Variants in SPATA16 observed in about 807,000 individuals in gnomAD.
The protein encoded by SPATA16 is spermatogenesis-associated protein 16.
In SPATA16, 36 loss-of-function variants were observed where a neutral mutation model predicts 63.3. The observed-to-expected ratio is 0.57, with a 90% CI of 0.44 to 0.75. The LOEUF is 0.75. Among genes scored for constraint, SPATA16 ranks in the 30% least tolerant of loss-of-function variants. The probability of loss-of-function intolerance (pLI) is 0.00; values close to 1 mark genes in which losing one functional copy is unlikely to be tolerated. For missense variants in SPATA16, 646 were observed against 679.3 expected, an observed-to-expected ratio of 0.95 and a Z score of 0.54; for synonymous variants, 203 against 216.7, an observed-to-expected ratio of 0.94 and a Z score of 0.56.
intron 5 of SPATA16, among the ~76,000 whole-genome samples, chr3:172,959,460 C>A (rs1016227831): frequency 6.6e-6 from 1 of 152,146 alleles, no homozygotes; most frequent in African/African-American, 2.4e-5. Context: ...CACTGAGAAC[C>A]AATAGAGATG....
chr3:172,919,375 G>C (rs564600643), intron 8 of SPATA16, among the ~76,000 whole-genome samples: 2 of 152,194 alleles, frequency 1.3e-5, no homozygotes, highest in African/African-American at 4.8e-5. Context: ...AGGATTAGAA[G>C]TCACCAGCAA....
At chr3:173,081,049 T>C (rs1266356773) in intron 2 of SPATA16, among the ~76,000 whole-genome samples, 1 of 152,192 alleles carries the variant, frequency 6.6e-6, no homozygotes, top group Non-Finnish European at 1.5e-5. Context: ...AAAGATGGCC[T>C]GTCTCTCCCT....
intron 3 of SPATA16, among the ~76,000 whole-genome samples, chr3:173,023,867 G>T (rs569279170): frequency 1.4e-4 from 21 of 151,048 alleles, no homozygotes; most frequent in African/African-American, 5.1e-4. Flanking sequence ...ACACATATTT[G>T]CATATATATT....
chr3:172,984,143 T>G (rs1465861571), intron 4 of SPATA16, among the ~76,000 whole-genome samples: 1 of 152,156 alleles, frequency 6.6e-6, no homozygotes, highest in Non-Finnish European at 1.5e-5. Flanking sequence ...AAATTTTTAA[T>G]TTAGTTTCTT....
intron 3 of SPATA16, among the ~76,000 whole-genome samples, chr3:173,043,822 T>C (rs1425988429): frequency 1.3e-5 from 2 of 152,038 alleles, no homozygotes; most frequent in African/African-American, 2.4e-5. Flanking sequence ...CTGGTAAAGA[T>C]TAATTTTTTA....
chr3:173,047,078 A>G (rs1312549944), intron 3 of SPATA16, among the ~76,000 whole-genome samples: 1 of 151,978 alleles, frequency 6.6e-6, no homozygotes, highest in Admixed American at 6.6e-5. Context: ...TTACTTTCAA[A>G]GCAGAACATT....
chr3:173,125,615 T>C (rs1738206008), intron 1 of SPATA16, among the ~76,000 whole-genome samples: 1 of 152,262 alleles, frequency 6.6e-6, no homozygotes, highest in African/African-American at 2.4e-5. Context: ...CTGTGTTTTT[T>C]ATGTTATTCA....
intron 2 of SPATA16, among the ~76,000 whole-genome samples, chr3:173,090,818 G>T (rs552549613): frequency 5.3e-5 from 8 of 152,180 alleles, no homozygotes; most frequent in Non-Finnish European, 7.3e-5. Context: ...AAGTAGAGAC[G>T]GTGCTTTACT....
intron 4 of SPATA16, among the ~76,000 whole-genome samples, chr3:173,008,363 C>T (rs531757001): frequency 6.6e-6 from 1 of 152,188 alleles, no homozygotes; most frequent in East Asian, 1.9e-4. Context: ...CTGGGGCCTT[C>T]CATTTCTCTC....
chr3:172,925,578 A>G lies in SPATA16; in HGVS notation c.1082-86T>C, dbSNP rs1306710291. 8 of 1,540,934 alleles carry G rather than the reference A, an allele frequency of 5.2e-6. No individual in the cohort carries two copies. The South Asian group carries it at 9.1e-5, about 17-fold the overall frequency. On this transcript the variant is annotated intron_variant, in intron 6 of 10. Transcript: ENST00000351008. ...TTCCCCCCCAGATTTCAGGAATTGT[A>G]CTTGGAAAAAATAATAACTATAAAT...
chr3:173,094,234 A>G (rs1449096924), intron 2 of SPATA16, among the ~76,000 whole-genome samples: 2 of 152,038 alleles, frequency 1.3e-5, no homozygotes, highest in Non-Finnish European at 2.9e-5. Context: ...ATTTTGTCCA[A>G]TTTTATCACC....
intron 5 of SPATA16, among the ~76,000 whole-genome samples, chr3:172,975,674 T>G (rs1050231621): frequency 1.2e-4 from 19 of 152,138 alleles, no homozygotes; most frequent in African/African-American, 4.6e-4. Context: ...TAGGTTGTTT[T>G]GGGTTTAAAG....
intron 6 of SPATA16, among the ~76,000 whole-genome samples, chr3:172,931,046 A>G (rs1158826801): frequency 4.8e-5 from 7 of 145,738 alleles, no homozygotes; most frequent in African/African-American, 1.8e-4. Context: ...CTGGTCTCGA[A>G]CTCCTGACCT....
chr3:173,130,306 G>A (rs1474729284), intron 1 of SPATA16, among the ~76,000 whole-genome samples: 1 of 139,786 alleles, frequency 7.2e-6, no homozygotes, highest in East Asian at 2.3e-4. Context: ...GTTGCAGTGA[G>A]CCGAGATTGT....
chr3:172,897,409 G>A (rs1732029737), intron 10 of SPATA16, among the ~76,000 whole-genome samples: 1 of 151,962 alleles, frequency 6.6e-6, no homozygotes, highest in African/African-American at 2.4e-5. Context: ...TATTATGTGA[G>A]GTCTTTCAGT....
intron 8 of SPATA16, among the ~76,000 whole-genome samples, chr3:172,919,637 T>A (rs1172388819): frequency 1.3e-5 from 2 of 152,156 alleles, no homozygotes; most frequent in Non-Finnish European, 2.9e-5. Flanking sequence ...ATTTTTGGAG[T>A]GTAATTTGTA....
chr3:173,124,523 C>T (rs1354109670), intron 1 of SPATA16, among the ~76,000 whole-genome samples: 2 of 152,190 alleles, frequency 1.3e-5, no homozygotes, highest in Non-Finnish European at 2.9e-5. Context: ...CTGCAATTGT[C>T]ATCTTTCCAT....
rs978187195 is a variant in SPATA16, at chr3:172,988,379, C to G, written c.849-11327G>C. On this transcript the variant is annotated intron_variant, in intron 4 of 10. Coordinates refer to ENST00000351008, the MANE Select transcript of SPATA16 (RefSeq NM_031955.6). ...CTTTTCGGTGTTTCTCAACTGCAGT[C>G]ACTCTTGTAAATTTTAGGTAGCTAT... Among the ~76,000 whole-genome samples the G allele has an allele frequency of 3.9e-5, 6 of 152,322 alleles. No homozygotes were observed. The East Asian group carries it at 1.2e-3, about 29-fold the overall frequency.
chr3:172,959,095 G>A (rs1214651034), intron 5 of SPATA16, among the ~76,000 whole-genome samples: 1 of 85,850 alleles, frequency 1.2e-5, no homozygotes, highest in Non-Finnish European at 2.2e-5. Context: ...AACAAATCTA[G>A]CAAAGGTATA....
Sources: allele counts gnomAD v4.1 joint callset (sites outside exome capture counted in the v4.1 genomes callset), GRCh38; gene constraint gnomAD v4.1.1; transcripts MANE v1.5; gene names NCBI Gene and HGNC (gene_info 2026-07-23, HGNC 2026-07-21).